The following ASIC2 variants were observed in gnomAD, a reference collection of about 807,000 sequenced individuals.
ASIC2 encodes the protein acid-sensing ion channel 2.
ASIC2 carries 25 observed loss-of-function variants against 57.3 expected under a neutral mutation model. That is an observed-to-expected ratio of 0.44 (90% confidence interval 0.32 to 0.61). The LOEUF (loss-of-function observed/expected upper bound fraction) is 0.61. ASIC2 is among the 20% of genes least tolerant of loss of function. The pLI is 0.06. For synonymous variants in ASIC2, 319 were observed against 307.5 expected, an observed-to-expected ratio of 1.04 and a Z score of -0.39; for missense variants, 641 against 738.1, an observed-to-expected ratio of 0.87 and a Z score of 1.52.
intron 1 of ASIC2, among the ~76,000 whole-genome samples, chr17:33,619,310 A>C (rs1417607705): frequency 6.6e-6 from 1 of 152,228 alleles, no homozygotes; most frequent in Non-Finnish European, 1.5e-5. Flanking sequence ...CAATTTCAAC[A>C]TATGAAGAGC....
chr17:33,768,011 AT>A (rs879481244), intron 1 of ASIC2, among the ~76,000 whole-genome samples: 5,033 of 144,720 alleles, frequency 0.035, 217 homozygotes, highest in African/African-American at 0.1. Context: ...TACATACACA[AT>A]TTTTTTTTTT....
intron 1 of ASIC2, among the ~76,000 whole-genome samples, chr17:33,207,274 G>A (rs1031920138): frequency 3.3e-5 from 5 of 152,176 alleles, no homozygotes; most frequent in Non-Finnish European, 5.9e-5. Flanking sequence ...AGCATTGATG[G>A]CTGTCTGAAG....
chr17:33,160,464 C>T (rs1029366666), intron 1 of ASIC2, among the ~76,000 whole-genome samples: 8 of 152,188 alleles, frequency 5.3e-5, no homozygotes, highest in Non-Finnish European at 1.0e-4. Context: ...TCTGTGCTTA[C>T]GTTCTGCCTT....
intron 1 of ASIC2, among the ~76,000 whole-genome samples, chr17:33,575,340 G>C (rs1397930929): frequency 2.6e-5 from 4 of 152,232 alleles, no homozygotes; most frequent in Non-Finnish European, 4.4e-5. Context: ...AGATGCCATA[G>C]ACTGTCATTA....
chr17:33,961,775 C>A (rs185311358), intron 1 of ASIC2, among the ~76,000 whole-genome samples: 35 of 152,170 alleles, frequency 2.3e-4, no homozygotes, highest in African/African-American at 8.2e-4. Flanking sequence ...AGTCAGGTAG[C>A]CCTGGCTGCC....
intron 1 of ASIC2, among the ~76,000 whole-genome samples, chr17:33,217,923 T>C (rs1017131718): frequency 6.6e-6 from 1 of 152,144 alleles, no homozygotes; most frequent in Non-Finnish European, 1.5e-5. Flanking sequence ...CTCTGGGTCT[T>C]GAGAAAAGGG....
chr17:33,839,500 A>G (rs970993788), intron 1 of ASIC2, among the ~76,000 whole-genome samples: 6 of 152,016 alleles, frequency 3.9e-5, no homozygotes, highest in African/African-American at 1.2e-4. Flanking sequence ...TCACCCTTCT[A>G]CACTCTGATA....
chr17:33,442,332 T>G (rs964408363), intron 1 of ASIC2, among the ~76,000 whole-genome samples: 1 of 152,230 alleles, frequency 6.6e-6, no homozygotes, highest in Non-Finnish European at 1.5e-5. Context: ...GGGAAATTCT[T>G]TGGGATTGAG....
chr17:34,084,177 T>C (rs1180629061), intron 1 of ASIC2, among the ~76,000 whole-genome samples: 1 of 151,934 alleles, frequency 6.6e-6, no homozygotes, highest in Non-Finnish European at 1.5e-5. Flanking sequence ...AAGTCTTTAA[T>C]CCATCTTGAA....
intron 1 of ASIC2, among the ~76,000 whole-genome samples, chr17:33,645,257 G>C (rs1347033020): frequency 1.3e-5 from 2 of 152,156 alleles, no homozygotes; most frequent in East Asian, 3.9e-4. Context: ...CTAATTCAGT[G>C]CTCCTTCTAC....
chr17:34,000,958 T>C (rs1458543489), intron 1 of ASIC2: 1 of 152,172 alleles, frequency 6.6e-6, no homozygotes, highest in Non-Finnish European at 1.5e-5. Context: ...GAACTTCTCA[T>C]TTTTTTCCAT....
chr17:34,033,757 A>G (rs1465156810), intron 1 of ASIC2, among the ~76,000 whole-genome samples: 1 of 152,186 alleles, frequency 6.6e-6, no homozygotes, highest in East Asian at 1.9e-4. Context: ...TAAACTAGAA[A>G]ATCTAGAAGA....
At position 33,565,116 on chromosome 17, in the gene ASIC2, G is replaced by A. The variant is rs867880907; in HGVS notation, c.556-453049C>T. On this transcript the variant is annotated intron_variant, in intron 1 of 9. Coordinates refer to the ASIC2 transcript ENST00000359872. Reference sequence around the variant, plus strand: ...TTTCTTAATTCCTCTAGCACTGCTGGGTTAGGGTCTCCCCGACTGAGTTGG... The same window carrying A: ...TTTCTTAATTCCTCTAGCACTGCTGAGTTAGGGTCTCCCCGACTGAGTTGG... Among the ~76,000 whole-genome samples the A allele has an allele frequency of 5.3e-5, 8 of 152,224 alleles. No individual in the cohort carries two copies. The Middle Eastern group carries it at 0.01, about 194-fold the overall frequency.
At chr17:33,379,257 T>A (rs1183974549) in intron 1 of ASIC2, among the ~76,000 whole-genome samples, 4 of 152,150 alleles carry the variant, frequency 2.6e-5, no homozygotes, top group African/African-American at 9.7e-5. Context: ...TACTTACTCC[T>A]CCTAAGCCTT....
chr17:33,336,553 G>C (rs1907520451), intron 1 of ASIC2, among the ~76,000 whole-genome samples: 1 of 152,176 alleles, frequency 6.6e-6, no homozygotes, highest in East Asian at 1.9e-4. Flanking sequence ...AATTTACAGA[G>C]ATTCCCCAGT....
At chr17:33,738,777 T>C (rs757663330) in intron 1 of ASIC2, among the ~76,000 whole-genome samples, 22 of 152,236 alleles carry the variant, frequency 1.4e-4, no homozygotes, top group Non-Finnish European at 3.1e-4. Context: ...GCTCTGGTTC[T>C]TCTGGGCTCT....
chr17:33,482,411 G>C (rs1339800900), intron 1 of ASIC2, among the ~76,000 whole-genome samples: 1 of 152,340 alleles, frequency 6.6e-6, no homozygotes, highest in South Asian at 2.1e-4. Flanking sequence ...TCAACCCTAA[G>C]TGTTTCAGAT....
chr17:33,799,458 CT>C (rs537612330), intron 1 of ASIC2, among the ~76,000 whole-genome samples: 1 of 102,762 alleles, frequency 9.7e-6, no homozygotes, highest in Admixed American at 1.1e-4. Flanking sequence ...TTCTTTCTTT[CT>C]TTCTTTCTTT....
chr17:33,392,147 T>C (rs1267317818), intron 1 of ASIC2, among the ~76,000 whole-genome samples: 1 of 152,010 alleles, frequency 6.6e-6, no homozygotes, highest in African/African-American at 2.4e-5. Context: ...TGCCTGAAAG[T>C]CCCCTTTTTC....
Sources: allele counts gnomAD v4.1 joint callset (sites outside exome capture counted in the v4.1 genomes callset), GRCh38; gene constraint gnomAD v4.1.1; transcripts MANE v1.5; gene names NCBI Gene and HGNC (gene_info 2026-07-23, HGNC 2026-07-21).